Variants in PPP1R9A observed in about 807,000 individuals in gnomAD.
PPP1R9A encodes protein phosphatase 1 regulatory subunit 9A.
In PPP1R9A, 59 loss-of-function variants were observed where a neutral mutation model predicts 141.9. The ratio of observed to expected loss-of-function variants is 0.42; its 90% CI spans 0.34 to 0.52. The LOEUF is 0.52. PPP1R9A is among the 20% of genes least tolerant of loss of function. The pLI is 0.10. For synonymous variants in PPP1R9A, 500 were observed against 569.7 expected (o/e 0.88, Z 1.74); for missense variants, 1,444 against 1,611.9 (o/e 0.90, Z 1.78).
intron 2 of PPP1R9A, among the ~76,000 whole-genome samples, chr7:95,030,417 C>T (rs1807501093): frequency 1.3e-5 from 2 of 152,062 alleles, no homozygotes; most frequent in Admixed American, 6.6e-5. Flanking sequence ...GTTACTATTC[C>T]GTTAAGTTCC....
chr7:95,040,044 G>T (rs1304336505), intron 2 of PPP1R9A, among the ~76,000 whole-genome samples: 1 of 152,138 alleles, frequency 6.6e-6, no homozygotes, highest in Non-Finnish European at 1.5e-5. Context: ...GACGGTGGAA[G>T]ATACATCTAT....
rs1256660861 is a variant in PPP1R9A, at chr7:95,292,778, C to T, written c.*2475C>T. 1 of 152,020 alleles carries T rather than the reference C, an allele frequency of 6.6e-6. No homozygotes were observed. Among genetic ancestry groups the T allele is most frequent in the Non-Finnish European group, 1.5e-5 (1 of 68,018 alleles). The allele number at this position is 152,020 out of a possible 1,614,324, so 9.4% of individuals were successfully genotyped here. ...GTAAAAGTCATTTGGTTTGATTGCC[C>T]CACAAAGCATAAGATGTAAACTGAT... On this transcript the variant is annotated 3_prime_UTR_variant, in exon 20 of 20. Transcript: ENST00000433360.
chr7:95,208,594 G>A (rs1348020775), intron 7 of PPP1R9A, among the ~76,000 whole-genome samples: 1 of 151,616 alleles, frequency 6.6e-6, no homozygotes. Context: ...CATGGTGGTG[G>A]GTGCCTGTAG....
intron 2 of PPP1R9A, among the ~76,000 whole-genome samples, chr7:95,054,482 A>C (rs1429794457): frequency 6.6e-6 from 1 of 152,076 alleles, no homozygotes; most frequent in African/African-American, 2.4e-5. Flanking sequence ...TAGGGTGACC[A>C]TTTAATTTAT....
chr7:95,007,971 C>CT (rs1356616781), intron 2 of PPP1R9A, among the ~76,000 whole-genome samples: 3 of 152,100 alleles, frequency 2.0e-5, no homozygotes, highest in Admixed American at 1.3e-4. Context: ...ACTCAGAAGG[C>CT]TGAGGCATGA....
rs1247328814 is a variant in PPP1R9A, at chr7:95,281,974, T to C, written c.3297-2044T>C. On this transcript the variant is annotated intron_variant, in intron 16 of 19. Transcript: ENST00000433360. ...ATACCCAATTATAAGAGTATGGGAC[T>C]GCAGAGAAAATATTTATATGTTTCT... Among the ~76,000 whole-genome samples, 9 of 152,324 alleles carry C rather than the reference T, an allele frequency of 5.9e-5. No individual in the cohort carries two copies. The East Asian group carries it at 1.5e-3, about 26-fold the overall frequency.
chr7:95,265,033 C>T (rs1801054096), intron 12 of PPP1R9A, among the ~76,000 whole-genome samples: 1 of 152,102 alleles, frequency 6.6e-6, no homozygotes, highest in Non-Finnish European at 1.5e-5. Context: ...GTTGGATTTC[C>T]CCTGCCACAC....
intron 4 of PPP1R9A, among the ~76,000 whole-genome samples, chr7:95,148,365 A>AGAG (rs1828022436): frequency 6.6e-6 from 1 of 152,108 alleles, no homozygotes; most frequent in Non-Finnish European, 1.5e-5. Flanking sequence ...AATGAGAGAG[A>AGAG]AAAATTCACT....
intron 4 of PPP1R9A, among the ~76,000 whole-genome samples, chr7:95,158,035 C>G (rs1298884945): frequency 6.6e-6 from 1 of 151,976 alleles, no homozygotes; most frequent in Non-Finnish European, 1.5e-5. Context: ...GAAAATGAAC[C>G]ATTTTAGGAG....
intron 2 of PPP1R9A, among the ~76,000 whole-genome samples, chr7:94,934,916 A>T (rs953996027): frequency 6.6e-6 from 1 of 151,978 alleles, no homozygotes; most frequent in Non-Finnish European, 1.5e-5. Context: ...GGTTATTCAC[A>T]GGTGTGGTCA....
rs200218029 is a variant in PPP1R9A at position 95,288,142 on chromosome 7, TTTG to T, written c.3730-391_3730-389del. On this transcript the variant is annotated intron_variant, in intron 18 of 19. Transcript: ENST00000433360. ...CTTGCAAGTGAAAGATACCTCAGTA[TTTG>T]TTAATATATTTTTACAAAATTCCAA... Among the ~76,000 whole-genome samples the T allele has an allele frequency of 7.7e-3, 1,168 of 152,358 alleles. 15 individuals carry two copies. Among genetic ancestry groups the T allele is most frequent in the African/African-American group, 0.027 (1,112 of 41,582 alleles).
At chr7:95,189,528 C>G (rs923080270) in intron 5 of PPP1R9A, among the ~76,000 whole-genome samples, 27 of 148,354 alleles carry the variant, frequency 1.8e-4, no homozygotes, top group Middle Eastern at 6.9e-3. Flanking sequence ...GCTCCGCCTC[C>G]CGGGTTCACG....
At chr7:95,091,291 C>A (rs1029496185) in intron 2 of PPP1R9A, among the ~76,000 whole-genome samples, 1 of 149,826 alleles carries the variant, frequency 6.7e-6, no homozygotes, top group African/African-American at 2.5e-5. Context: ...ATTTTATTCA[C>A]AGTGTATTAG....
At chr7:94,950,597 C>T (rs569456042) in intron 2 of PPP1R9A, among the ~76,000 whole-genome samples, 9 of 151,856 alleles carry the variant, frequency 5.9e-5, no homozygotes, top group East Asian at 3.9e-4. Context: ...ATGAATTTTC[C>T]GGTCCTTGGC....
chr7:95,266,701 A>T (rs1433483539), intron 12 of PPP1R9A, among the ~76,000 whole-genome samples: 1 of 152,274 alleles, frequency 6.6e-6, no homozygotes. Context: ...GATTTGTATT[A>T]TAGAGCATAC....
intron 2 of PPP1R9A, among the ~76,000 whole-genome samples, chr7:95,110,305 T>C (rs1226884135): frequency 2.0e-5 from 3 of 152,208 alleles, no homozygotes; most frequent in Admixed American, 2.0e-4. Context: ...TTCTGCCTTC[T>C]GTTTCTACTG....
chr7:95,251,369 G>T (rs188860658), intron 10 of PPP1R9A, among the ~76,000 whole-genome samples: 2 of 151,786 alleles, frequency 1.3e-5, no homozygotes, highest in Admixed American at 1.3e-4. Context: ...TATCTTTTTC[G>T]AACTCTTATC....
intron 4 of PPP1R9A, among the ~76,000 whole-genome samples, chr7:95,149,400 T>C (rs1461407685): frequency 6.6e-6 from 1 of 152,064 alleles, no homozygotes; most frequent in Non-Finnish European, 1.5e-5. Context: ...GAAAAATAAA[T>C]GAACAATACA....
chr7:95,217,057 G>A (rs575672478), intron 7 of PPP1R9A, among the ~76,000 whole-genome samples: 1 of 152,236 alleles, frequency 6.6e-6, no homozygotes, highest in African/African-American at 2.4e-5. Flanking sequence ...GTTTTCAAAG[G>A]GAAGGCTTCC....
Sources: allele counts gnomAD v4.1 joint callset (sites outside exome capture counted in the v4.1 genomes callset), GRCh38; gene constraint gnomAD v4.1.1; transcripts MANE v1.5; gene names NCBI Gene and HGNC (gene_info 2026-07-23, HGNC 2026-07-21).